ZEB1: variants seen among roughly 807,000 people sequenced by gnomAD.
The protein encoded by ZEB1 is zinc finger E-box-binding homeobox 1.
A neutral mutation model predicts 84.9 loss-of-function variants in ZEB1; 21 were observed. The ratio of observed to expected loss-of-function variants is 0.25; its 90% CI spans 0.18 to 0.36. The LOEUF is 0.36. Among genes scored for constraint, ZEB1 ranks in the 10% least tolerant of loss-of-function variants. The pLI, the probability that ZEB1 is intolerant of heterozygous loss-of-function variation, is 1.00. For synonymous variants in ZEB1, 420 were observed against 471.1 expected (o/e 0.89, Z 1.41); for missense variants, 1,104 against 1,330.2 (o/e 0.83, Z 2.65).
chr10:31,438,390 T>C (rs905811590), intron 1 of ZEB1, among the ~76,000 whole-genome samples: 1 of 152,226 alleles, frequency 6.6e-6, no homozygotes, highest in Non-Finnish European at 1.5e-5. Context: ...TATTTCAAAA[T>C]CCACAGATAT....
intron 1 of ZEB1, among the ~76,000 whole-genome samples, chr10:31,335,676 GGTAAA>G (rs2037871143): frequency 6.6e-6 from 1 of 152,058 alleles, no homozygotes; most frequent in African/African-American, 2.4e-5. Flanking sequence ...TCCACTTCAT[GGTAAA>G]GTATTGAAGG....
At chr10:31,435,927 T>C (rs1344461536) in intron 1 of ZEB1, among the ~76,000 whole-genome samples, 1 of 152,118 alleles carries the variant, frequency 6.6e-6, no homozygotes, top group Non-Finnish European at 1.5e-5. Flanking sequence ...ACTAGTGGCA[T>C]TGGTGCCTGG....
In ZEB1 at chr10:31,446,252, C is replaced by T. The variant is rs1395707694; in HGVS notation, c.59-14785C>T. Among the ~76,000 whole-genome samples the T allele has an allele frequency of 1.7e-4, 26 of 152,170 alleles. No individual in the cohort carries two copies. In the South Asian group the frequency reaches 2.3e-3, roughly 13 times the overall value. ...ATGGTAGTTTGTATTTCTGTGGGAT[C>T]GGTGGTGATATCCCCTTTATCATTT... On this transcript the variant is annotated intron_variant, in intron 1 of 8. Transcript: ENST00000424869.
intron 1 of ZEB1, among the ~76,000 whole-genome samples, chr10:31,384,393 T>C (rs2048268153): frequency 6.6e-6 from 1 of 152,198 alleles, no homozygotes; most frequent in African/African-American, 2.4e-5. Flanking sequence ...AGCCATGTGA[T>C]ATTTGTGTCA....
At chr10:31,455,419 A>C (rs541986473) in intron 1 of ZEB1, among the ~76,000 whole-genome samples, 2 of 152,222 alleles carry the variant, frequency 1.3e-5, no homozygotes, top group Admixed American at 6.5e-5. Flanking sequence ...AATGGGATCT[A>C]ATTAAACTAA....
chr10:31,444,749 C>T (rs2059538209), intron 1 of ZEB1, among the ~76,000 whole-genome samples: 2 of 151,846 alleles, frequency 1.3e-5, no homozygotes, highest in Admixed American at 1.3e-4. Context: ...TTTCTGAGGG[C>T]TCTGTTCTGT....
intron 2 of ZEB1, among the ~76,000 whole-genome samples, chr10:31,477,628 A>G (rs998931987): frequency 5.3e-5 from 8 of 151,974 alleles, no homozygotes; most frequent in African/African-American, 1.7e-4. Flanking sequence ...GCTGAACAGC[A>G]TGTTACTGAT....
At chr10:31,472,758 AAG>A (rs1021429420) in intron 2 of ZEB1, among the ~76,000 whole-genome samples, 5 of 140,530 alleles carry the variant, frequency 3.6e-5, no homozygotes, top group Middle Eastern at 7.1e-3. Context: ...ACAACCAAAA[AAG>A]AGAATTTTAG....
At chr10:31,395,184 T>C (rs1590796646) in intron 1 of ZEB1, among the ~76,000 whole-genome samples, 1 of 152,216 alleles carries the variant, frequency 6.6e-6, no homozygotes, top group Non-Finnish European at 1.5e-5. Flanking sequence ...TTAACAACAG[T>C]GTGCTAACAA....
intron 1 of ZEB1, among the ~76,000 whole-genome samples, chr10:31,349,937 C>G (rs1564546338): frequency 6.6e-6 from 1 of 151,960 alleles, no homozygotes; most frequent in African/African-American, 2.4e-5. Flanking sequence ...TCCTATTTGT[C>G]TATTTTTGTT....
intron 1 of ZEB1, among the ~76,000 whole-genome samples, chr10:31,400,744 A>C (rs1409940613): frequency 6.6e-6 from 1 of 152,142 alleles, no homozygotes; most frequent in Non-Finnish European, 1.5e-5. Context: ...CATCTTCAAA[A>C]AGCATGGAAC....
intron 2 of ZEB1, among the ~76,000 whole-genome samples, chr10:31,492,873 A>G (rs572256217): frequency 1.2e-4 from 18 of 151,898 alleles, no homozygotes; most frequent in Non-Finnish European, 5.9e-5. Flanking sequence ...AGAACAAGCC[A>G]TAAGCTCTTT....
At chr10:31,445,621 A>C (rs2059660713) in intron 1 of ZEB1, among the ~76,000 whole-genome samples, 1 of 151,978 alleles carries the variant, frequency 6.6e-6, no homozygotes, top group African/African-American at 2.4e-5. Flanking sequence ...AGTTTTTAGC[A>C]TGAAGTGTTG....
At chr10:31,413,821 T>C (rs992967724) in intron 1 of ZEB1, among the ~76,000 whole-genome samples, 1 of 152,232 alleles carries the variant, frequency 6.6e-6, no homozygotes, top group Non-Finnish European at 1.5e-5. Context: ...AACATTTTTA[T>C]AATTTCATAG....
chr10:31,384,922 G>C (rs11812734), intron 1 of ZEB1, among the ~76,000 whole-genome samples: 1 of 151,810 alleles, frequency 6.6e-6, no homozygotes, highest in South Asian at 2.1e-4. Flanking sequence ...TCTTTTTGTC[G>C]TATTATCTGC....
At chr10:31,353,716 G>A (rs1055288819) in intron 1 of ZEB1, among the ~76,000 whole-genome samples, 1 of 152,218 alleles carries the variant, frequency 6.6e-6, no homozygotes, top group Non-Finnish European at 1.5e-5. Context: ...AATAGTCACA[G>A]TCAAAGGTTT....
intron 1 of ZEB1, chr10:31,363,228 C>T (rs753469995): frequency 5.2e-6 from 8 of 1,534,044 alleles, no homozygotes; most frequent in South Asian, 1.2e-5. Context: ...AGGCCGCCTT[C>T]TCTGGCCACA....
chr10:31,344,223 T>C (rs1470880372), intron 1 of ZEB1, among the ~76,000 whole-genome samples: 1 of 152,080 alleles, frequency 6.6e-6, no homozygotes. Context: ...CATGGGCTTT[T>C]TAAAATCTCA....
intron 3 of ZEB1, among the ~76,000 whole-genome samples, chr10:31,502,089 A>G (rs1285893953): frequency 6.6e-6 from 1 of 152,204 alleles, no homozygotes; most frequent in Non-Finnish European, 1.5e-5. Flanking sequence ...GTAAAATGCA[A>G]TAGAAGTATG....
Sources: allele counts gnomAD v4.1 joint callset (sites outside exome capture counted in the v4.1 genomes callset), GRCh38; gene constraint gnomAD v4.1.1; transcripts MANE v1.5; gene names NCBI Gene and HGNC (gene_info 2026-07-23, HGNC 2026-07-21).